The following HERC3 variants were observed in gnomAD, a reference collection of about 807,000 sequenced individuals.
The protein encoded by HERC3 is probable E3 ubiquitin-protein ligase HERC3.
Under a neutral mutation model 129.9 loss-of-function variants are expected in HERC3, and 58 were observed. The ratio of observed to expected loss-of-function variants is 0.45; its 90% CI spans 0.36 to 0.56. The LOEUF is 0.56. HERC3 is among the 20% of genes least tolerant of loss of function. The pLI is 0.00. For synonymous variants in HERC3, 430 were observed against 451.0 expected, an observed-to-expected ratio of 0.95 and a Z score of 0.59; for missense variants, 835 against 1,244.2, an observed-to-expected ratio of 0.67 and a Z score of 4.95.
At chr4:88,568,034 T>G in the HERC3 span, among the ~76,000 whole-genome samples, 1 of 152,232 alleles carries the variant, frequency 6.6e-6, no homozygotes, top group Non-Finnish European at 1.5e-5. Context: ...TATGCAGACT[T>G]GTAGAGGTAT....
At chr4:88,556,748 G>A in the HERC3 span, among the ~76,000 whole-genome samples, 11,456 of 151,578 alleles carry the variant, frequency 0.076, 618 homozygotes, top group East Asian at 0.28. Context: ...ATGATTCTTC[G>A]GTGGTGTCCT....
intron 1 of HERC3, among the ~76,000 whole-genome samples, chr4:88,594,873 G>A (rs1356051803): frequency 6.6e-6 from 1 of 152,022 alleles, no homozygotes; most frequent in South Asian, 2.1e-4. Flanking sequence ...GGCTTGAGAC[G>A]GGTGGATCAC....
intron 3 of HERC3, among the ~76,000 whole-genome samples, chr4:88,635,493 T>C (rs1296523483): frequency 6.6e-6 from 1 of 151,894 alleles, no homozygotes; most frequent in Non-Finnish European, 1.5e-5. Flanking sequence ...CTGAGAAATA[T>C]GGGACTATGT....
rs1578184043 is a variant in HERC3, at chr4:88,621,233, A to C, written c.226+15184A>C. ...GCGATTCTCCTGCCTCAGCCTCCTGAGTAGCTGGGATTACAGGTGCCCGCC... is the reference window on the plus strand; with the variant it reads ...GCGATTCTCCTGCCTCAGCCTCCTGCGTAGCTGGGATTACAGGTGCCCGCC... On this transcript the variant is annotated intron_variant, in intron 3 of 25. Coordinates refer to ENST00000402738, the MANE Select transcript of HERC3 (RefSeq NM_014606.3). Among the ~76,000 whole-genome samples the C allele has an allele frequency of 2.6e-5, 4 of 152,062 alleles. No individual in the cohort carries two copies. The South Asian group carries it at 8.3e-4, about 32-fold the overall frequency.
rs576997525 is a variant in HERC3 at position 88,641,557 on chromosome 4, G to A, written c.227-8283G>A. Among the ~76,000 whole-genome samples the A allele has an allele frequency of 2.0e-4, 31 of 152,252 alleles. No homozygotes were observed. In the East Asian group the frequency reaches 5.6e-3, roughly 27 times the overall value. On this transcript the variant is annotated intron_variant, in intron 3 of 25. Transcript: ENST00000402738. ...AGATCAATAAAATGATAAACCTTTA[G>A]CAAGAGAGTCAAAGAGAACAAAAGA...
At chr4:88,569,725 T>C in the HERC3 span, among the ~76,000 whole-genome samples, 178 of 152,350 alleles carry the variant, frequency 1.2e-3, no homozygotes, top group African/African-American at 3.3e-3. Flanking sequence ...CTCCAGGTCA[T>C]GCATATCAGC....
chr4:88,642,643 A>G (rs1440359711), intron 3 of HERC3, among the ~76,000 whole-genome samples: 1 of 152,198 alleles, frequency 6.6e-6, no homozygotes, highest in East Asian at 1.9e-4. Context: ...CTATCTTCAT[A>G]CAGTGAAAGG....
chr4:88,604,349 A>G (rs1052075695), intron 2 of HERC3, among the ~76,000 whole-genome samples: 3 of 152,230 alleles, frequency 2.0e-5, no homozygotes, highest in African/African-American at 2.4e-5. Flanking sequence ...TATAAAATTT[A>G]GGGGTTTTTA....
the HERC3 span, among the ~76,000 whole-genome samples, chr4:88,558,417 A>G: frequency 3.3e-5 from 5 of 152,150 alleles, no homozygotes; most frequent in African/African-American, 9.7e-5. Context: ...ACCAAATATC[A>G]TATGTTCTCA....
intron 21 of HERC3, chr4:88,684,818 A>T (rs1177790659): frequency 6.6e-6 from 1 of 152,354 alleles, no homozygotes; most frequent in African/African-American, 2.4e-5. Context: ...GGATACGAAC[A>T]GATGCTTCTC....
intron 9 of HERC3, 92 bp from the exon 10 acceptor site, chr4:88,658,323 A>C (rs1049634349): frequency 4.7e-6 from 3 of 641,406 alleles, no homozygotes; most frequent in Non-Finnish European, 8.2e-6. Context: ...ATAGGTACCC[A>C]CTCTGAAGTG....
chr4:88,596,560 C>T (rs1020763371), intron 2 of HERC3, among the ~76,000 whole-genome samples: 10 of 152,168 alleles, frequency 6.6e-5, no homozygotes, highest in African/African-American at 9.7e-5. Flanking sequence ...AAACCTGGTT[C>T]CTTCATGGAG....
the HERC3 span, among the ~76,000 whole-genome samples, chr4:88,557,801 A>T: frequency 6.6e-6 from 1 of 152,198 alleles, no homozygotes; most frequent in African/African-American, 2.4e-5. Flanking sequence ...TCATGCCTGT[A>T]ATCCCAGCAC....
At chr4:88,697,263 G>C (rs1329392126) in intron 23 of HERC3, 1 of 1,570,132 alleles carries the variant, frequency 6.4e-7, no homozygotes, top group Non-Finnish European at 8.6e-7. Flanking sequence ...TGGCCCCCGC[G>C]GCAGCCTCTG....
At chr4:88,678,804 C>T (rs868850205) in intron 19 of HERC3, among the ~76,000 whole-genome samples, 3 of 152,162 alleles carry the variant, frequency 2.0e-5, no homozygotes, top group Middle Eastern at 3.2e-3. Flanking sequence ...AACTGATCAT[C>T]TCCATAATAT....
chr4:88,668,199 C>A, intron 14 of HERC3, 118 bp downstream of exon 14: 2 of 753,094 alleles, frequency 2.7e-6, no homozygotes, highest in South Asian at 1.8e-5. Context: ...ATATCCTTAA[C>A]ACTTAAAACC....
chr4:88,582,938 G>A, the HERC3 span, among the ~76,000 whole-genome samples: 1 of 152,024 alleles, frequency 6.6e-6, no homozygotes, highest in Non-Finnish European at 1.5e-5. Context: ...CAACCATCTG[G>A]CTCTTCGAGT....
rs1725875788 is a variant in HERC3 at position 88,624,476 on chromosome 4, C to T, written c.226+18427C>T. On this transcript the variant is annotated intron_variant, in intron 3 of 25. Transcript: ENST00000402738. ...ATACACTTCCTTAATGACTAATGAA[C>T]TTGAACAGCTTTTCTTGTGCTTATT... Among the ~76,000 whole-genome samples the T allele has an allele frequency of 1.3e-5, 2 of 152,160 alleles. 1 individual carries two copies. The highest frequency in any genetic ancestry group is 4.1e-4 in the South Asian group (2 of 4,828).
intron 3 of HERC3, among the ~76,000 whole-genome samples, chr4:88,626,779 T>C (rs898703542): frequency 6.6e-6 from 1 of 152,142 alleles, no homozygotes; most frequent in Non-Finnish European, 1.5e-5. Flanking sequence ...ATAGCACTTG[T>C]ATCTTCATTT....
Sources: allele counts gnomAD v4.1 joint callset (sites outside exome capture counted in the v4.1 genomes callset), GRCh38; gene constraint gnomAD v4.1.1; transcripts MANE v1.5; gene names NCBI Gene and HGNC (gene_info 2026-07-23, HGNC 2026-07-21).